Variants in STK32A observed in about 807,000 individuals in gnomAD.
STK32A encodes serine/threonine-protein kinase 32A.
STK32A carries 41 observed loss-of-function variants against 53.2 expected under a neutral mutation model. That is an observed-to-expected ratio of 0.77 (90% CI 0.60 to 1.00). The LOEUF (loss-of-function observed/expected upper bound fraction) is 1.00. Ranked by LOEUF, STK32A falls within the 50% of genes least tolerant of loss-of-function variation. The probability of loss-of-function intolerance (pLI) is 0.00; values close to 1 mark genes in which losing one functional copy is unlikely to be tolerated. For missense variants in STK32A, 458 were observed against 485.8 expected, an observed-to-expected ratio of 0.94 and a Z score of 0.54; for synonymous variants, 166 against 162.8, an observed-to-expected ratio of 1.02 and a Z score of -0.15.
chr5:147,284,410 G>C (rs1466663358), intron 4 of STK32A, among the ~76,000 whole-genome samples: 3 of 152,036 alleles, frequency 2.0e-5, no homozygotes, highest in African/African-American at 4.8e-5. Flanking sequence ...CCTAGCCAGA[G>C]CAATAAGACA....
At chr5:147,260,214 T>C (rs919328361) in intron 2 of STK32A, among the ~76,000 whole-genome samples, 1 of 47,276 alleles carries the variant, frequency 2.1e-5, no homozygotes, top group Non-Finnish European at 3.9e-5. Flanking sequence ...CTCTCTCTCC[T>C]CTCTCTCTCT....
intron 5 of STK32A, among the ~76,000 whole-genome samples, chr5:147,341,554 T>C (rs928434962): frequency 6.6e-6 from 1 of 152,186 alleles, no homozygotes; most frequent in Non-Finnish European, 1.5e-5. Flanking sequence ...GGCACAGTTG[T>C]GCAATGCAGC....
intron 2 of STK32A, among the ~76,000 whole-genome samples, chr5:147,260,170 TCTCTCTCTCCTCTCTCTCTC>T (rs1754463317): frequency 6.4e-5 from 1 of 15,520 alleles, no homozygotes; most frequent in African/African-American, 2.5e-4. Context: ...TCTGTCTCTC[TCTCTCTCTCCTCTCTCTCTC>T]CTCTCTCTCT....
At chr5:147,317,477 G>A (rs866494296) in intron 4 of STK32A, among the ~76,000 whole-genome samples, 18 of 151,498 alleles carry the variant, frequency 1.2e-4, no homozygotes, top group African/African-American at 3.4e-4. Context: ...ATAGGTGCGC[G>A]CCACCATGCC....
At chr5:147,375,380 C>G (rs61405762) in intron 11 of STK32A, 162 bp downstream of exon 11, 21,980 of 757,406 alleles carry the variant, frequency 0.029, 2,106 homozygotes, top group African/African-American at 0.22. Flanking sequence ...GACCAGAGCT[C>G]CTCTGAGGAT....
At chr5:147,329,794 TTA>T in intron 5 of STK32A, among the ~76,000 whole-genome samples, 1 of 152,350 alleles carries the variant, frequency 6.6e-6, no homozygotes, top group East Asian at 1.9e-4. Flanking sequence ...TACACCTCAC[TTA>T]TGTTTTAATC....
rs567597401 is a variant in STK32A, at chr5:147,300,843, T to C, written c.260+21445T>C. 2.6e-5 allele frequency among the ~76,000 whole-genome samples: 4 copies of C among 152,294 alleles called. No homozygotes were observed. The South Asian group carries it at 6.2e-4, about 24-fold the overall frequency. Reference sequence around the variant, plus strand: ...AGGAATACTCATGTCAGTACTACTTTGAATGACAGTGATAAGAATATGTAC... The same window carrying C: ...AGGAATACTCATGTCAGTACTACTTCGAATGACAGTGATAAGAATATGTAC... On this transcript the variant is annotated intron_variant, in intron 4 of 12. Coordinates refer to ENST00000397936, the MANE Select transcript of STK32A (RefSeq NM_001112724.2).
chr5:147,368,009 A>T (rs538203162), intron 8 of STK32A, among the ~76,000 whole-genome samples: 1 of 152,350 alleles, frequency 6.6e-6, no homozygotes, highest in East Asian at 1.9e-4. Flanking sequence ...ATTTACAGAA[A>T]AGTATATGTC....
chr5:147,298,198 C>T (rs1353300380), intron 4 of STK32A, among the ~76,000 whole-genome samples: 2 of 152,028 alleles, frequency 1.3e-5, no homozygotes, highest in Non-Finnish European at 2.9e-5. Context: ...GAGTTTAGAT[C>T]ACAGGAGTAG....
At chr5:147,282,767 C>T (rs1347336927) in intron 4 of STK32A, among the ~76,000 whole-genome samples, 1 of 152,118 alleles carries the variant, frequency 6.6e-6, no homozygotes, top group African/African-American at 2.4e-5. Flanking sequence ...ATATAAGCAC[C>T]TAACACTGGA....
chr5:147,327,057 CA>C (rs981089257), intron 5 of STK32A, among the ~76,000 whole-genome samples: 1 of 152,066 alleles, frequency 6.6e-6, no homozygotes, highest in African/African-American at 2.4e-5. Flanking sequence ...TTCTGATAAC[CA>C]GGATTTTCTG....
intron 5 of STK32A, 54 bp downstream of exon 5, chr5:147,324,125 A>C: frequency 6.8e-7 from 1 of 1,473,716 alleles, no homozygotes; most frequent in Non-Finnish European, 9.1e-7. Context: ...GAGAATCCAC[A>C]ACTGGCTACC....
At chr5:147,337,817 G>A (rs1254438990) in intron 5 of STK32A, among the ~76,000 whole-genome samples, 3 of 152,124 alleles carry the variant, frequency 2.0e-5, no homozygotes, top group African/African-American at 7.2e-5. Context: ...AAAGTGACAA[G>A]GTCAATAATT....
chr5:147,356,293 T>G (rs923633352), intron 7 of STK32A, among the ~76,000 whole-genome samples: 1 of 152,228 alleles, frequency 6.6e-6, no homozygotes, highest in Non-Finnish European at 1.5e-5. Flanking sequence ...TAAGCACTGT[T>G]GTAACTGCAT....
At chr5:147,240,925 T>C (rs922732957) in intron 2 of STK32A, among the ~76,000 whole-genome samples, 8 of 152,160 alleles carry the variant, frequency 5.3e-5, no homozygotes, top group African/African-American at 1.7e-4. Context: ...AGGTGGAAAG[T>C]AGGAGAGGTT....
intron 4 of STK32A, among the ~76,000 whole-genome samples, chr5:147,315,541 A>G (rs1242780500): frequency 6.6e-6 from 1 of 152,196 alleles, no homozygotes; most frequent in African/African-American, 2.4e-5. Context: ...ATAGAAACAG[A>G]AAATAAAATA....
chr5:147,397,900 A>ACCTT, the STK32A span: 1 of 874,514 alleles, frequency 1.1e-6, no homozygotes, highest in Non-Finnish European at 1.6e-6. Flanking sequence ...AGAGGAACGT[A>ACCTT]CCTTCTCTCC....
At chr5:147,316,535 G>A (rs2151974448) in intron 4 of STK32A, among the ~76,000 whole-genome samples, 1 of 152,182 alleles carries the variant, frequency 6.6e-6, no homozygotes, top group Middle Eastern at 3.4e-3. Context: ...TAAGAATAAT[G>A]ACATCAAACC....
At chr5:147,283,624 AC>A (rs1341214069) in intron 4 of STK32A, among the ~76,000 whole-genome samples, 1 of 152,096 alleles carries the variant, frequency 6.6e-6, no homozygotes, top group Admixed American at 6.6e-5. Context: ...TACAACTGAC[AC>A]CACTGAAATA....
Sources: allele counts gnomAD v4.1 joint callset (sites outside exome capture counted in the v4.1 genomes callset), GRCh38; gene constraint gnomAD v4.1.1; transcripts MANE v1.5; gene names NCBI Gene and HGNC (gene_info 2026-07-23, HGNC 2026-07-21).